SGCD: variants seen among roughly 807,000 people sequenced by gnomAD.
SGCD encodes delta-sarcoglycan.
In SGCD, 18 loss-of-function variants were observed where a neutral mutation model predicts 36.6. That is an observed-to-expected ratio of 0.49 (90% CI 0.34 to 0.73). SGCD has a LOEUF of 0.73. Among genes scored for constraint, SGCD ranks in the 30% least tolerant of loss-of-function variants. The pLI, the probability that SGCD is intolerant of heterozygous loss-of-function variation, is 0.01. For missense variants in SGCD, 387 were observed against 346.7 expected (o/e 1.12, Z -0.92); for synonymous variants, 133 against 130.6 (o/e 1.02, Z -0.12).
At chr5:156,608,219 A>G (rs989091319) in intron 6 of SGCD, among the ~76,000 whole-genome samples, 2 of 152,116 alleles carry the variant, frequency 1.3e-5, no homozygotes, top group African/African-American at 4.8e-5. Context: ...CTTTGAATGC[A>G]TCCCAGAGAT....
the SGCD span, among the ~76,000 whole-genome samples, chr5:155,747,183 T>G: frequency 6.6e-6 from 1 of 152,204 alleles, no homozygotes; most frequent in Non-Finnish European, 1.5e-5. Context: ...CAACATATTC[T>G]AAGATAAATT....
At chr5:156,705,311 T>C (rs1754694000) in intron 7 of SGCD, among the ~76,000 whole-genome samples, 1 of 152,186 alleles carries the variant, frequency 6.6e-6, no homozygotes, top group Non-Finnish European at 1.5e-5. Flanking sequence ...TGCTACATTT[T>C]CTGGGAGGAA....
At chr5:156,155,950 C>T (rs943872898) in intron 3 of SGCD, among the ~76,000 whole-genome samples, 5 of 151,726 alleles carry the variant, frequency 3.3e-5, no homozygotes, top group African/African-American at 9.8e-5. Context: ...GTTTTTGCTT[C>T]GTGTGGCAGG....
At chr5:156,682,471 C>G (rs897649012) in intron 7 of SGCD, among the ~76,000 whole-genome samples, 1 of 152,152 alleles carries the variant, frequency 6.6e-6, no homozygotes, top group African/African-American at 2.4e-5. Context: ...TAATAAAACA[C>G]AAATCTGTTG....
At chr5:155,814,812 A>C in the SGCD span, among the ~76,000 whole-genome samples, 2 of 152,202 alleles carry the variant, frequency 1.3e-5, no homozygotes, top group Non-Finnish European at 2.9e-5. Flanking sequence ...ATGATGGTAA[A>C]AGTTACTACT....
At chr5:156,578,599 A>G (rs1199424073) in intron 4 of SGCD, among the ~76,000 whole-genome samples, 1 of 152,144 alleles carries the variant, frequency 6.6e-6, no homozygotes, top group African/African-American at 2.4e-5. Flanking sequence ...AGAGCCTGTT[A>G]TTGGTCTATT....
the SGCD span, among the ~76,000 whole-genome samples, chr5:155,805,706 T>A: frequency 1.4e-4 from 21 of 152,338 alleles, 1 homozygote; most frequent in African/African-American, 1.4e-4. Flanking sequence ...AAGCTACAGC[T>A]GTGACATATG....
At chr5:155,893,838 AT>A (rs1756189149) in intron 1 of SGCD, among the ~76,000 whole-genome samples, 1 of 152,264 alleles carries the variant, frequency 6.6e-6, no homozygotes, top group African/African-American at 2.4e-5. Context: ...GGTATAGCCT[AT>A]AGCCTATTAC....
intron 7 of SGCD, among the ~76,000 whole-genome samples, chr5:156,738,327 G>A (rs1389523728): frequency 3.3e-5 from 5 of 152,142 alleles, no homozygotes; most frequent in Admixed American, 6.5e-5. Context: ...AACTGCTATT[G>A]TGATGTTTGT....
the SGCD span, among the ~76,000 whole-genome samples, chr5:155,809,099 A>C: frequency 6.6e-6 from 1 of 152,236 alleles, no homozygotes; most frequent in Non-Finnish European, 1.5e-5. Flanking sequence ...AATTCTCTTC[A>C]GAACTGTTTC....
intron 1 of SGCD, among the ~76,000 whole-genome samples, chr5:155,949,997 T>C (rs1401209209): frequency 6.6e-6 from 1 of 152,206 alleles, no homozygotes; most frequent in East Asian, 1.9e-4. Flanking sequence ...GTGGAATGTC[T>C]CATGCTTTCT....
intron 1 of SGCD, among the ~76,000 whole-genome samples, chr5:155,875,894 T>G (rs112867729): frequency 6.6e-6 from 1 of 152,108 alleles, no homozygotes; most frequent in African/African-American, 2.4e-5. Context: ...TGCATATCAT[T>G]GTGATATTTC....
intron 3 of SGCD, among the ~76,000 whole-genome samples, chr5:156,258,192 T>C (rs1350940193): frequency 6.6e-6 from 1 of 152,348 alleles, no homozygotes; most frequent in African/African-American, 2.4e-5. Flanking sequence ...CCATATGTAT[T>C]GGCCACCAAG....
chr5:156,747,564 C>A (rs1176113250), intron 7 of SGCD, among the ~76,000 whole-genome samples: 1 of 152,130 alleles, frequency 6.6e-6, no homozygotes, highest in Non-Finnish European at 1.5e-5. Context: ...CTCATGGCCT[C>A]CCCTCCCTCA....
chr5:156,737,732 C>T, intron 7 of SGCD, among the ~76,000 whole-genome samples: 1 of 152,144 alleles, frequency 6.6e-6, no homozygotes, highest in East Asian at 1.9e-4. Context: ...AATCATATGG[C>T]AGGCAGTATA....
intron 1 of SGCD, among the ~76,000 whole-genome samples, chr5:155,888,934 C>T (rs1338357561): frequency 1.3e-5 from 2 of 152,166 alleles, no homozygotes; most frequent in African/African-American, 4.8e-5. Context: ...TAATTGGCCT[C>T]CACTCTCCTC....
At chr5:156,403,762 G>GT (rs533679385) in intron 3 of SGCD, among the ~76,000 whole-genome samples, 28 of 151,890 alleles carry the variant, frequency 1.8e-4, no homozygotes, top group African/African-American at 5.6e-4. Flanking sequence ...TTTATGGAGG[G>GT]TTTTTTTTCT....
the SGCD span, among the ~76,000 whole-genome samples, chr5:155,752,740 C>T: frequency 6.6e-6 from 1 of 152,156 alleles, no homozygotes; most frequent in African/African-American, 2.4e-5. Flanking sequence ...ATTTCTAACA[C>T]CTAGTAGATG....
At chr5:156,266,580 T>G (rs1455264033) in intron 3 of SGCD, among the ~76,000 whole-genome samples, 1 of 152,178 alleles carries the variant, frequency 6.6e-6, no homozygotes, top group East Asian at 1.9e-4. Context: ...ACTCCTGGGC[T>G]TAAGCTATCC....
Sources: allele counts gnomAD v4.1 joint callset (sites outside exome capture counted in the v4.1 genomes callset), GRCh38; gene constraint gnomAD v4.1.1; transcripts MANE v1.5; gene names NCBI Gene and HGNC (gene_info 2026-07-23, HGNC 2026-07-21).